Variants in NBAS observed in about 807,000 individuals in gnomAD.
The protein encoded by NBAS is NBAS subunit of NRZ tethering complex.
NBAS carries 219 observed loss-of-function variants against 302.5 expected under a neutral mutation model. The observed-to-expected ratio is 0.72, with a 90% CI of 0.65 to 0.81. The LOEUF (loss-of-function observed/expected upper bound fraction) is 0.81. NBAS is among the 30% of genes least tolerant of loss of function. The pLI is 0.00. For synonymous variants in NBAS, 1,118 were observed against 1,021.6 expected, an observed-to-expected ratio of 1.09 and a Z score of -1.80; for missense variants, 2,932 against 2,841.6, an observed-to-expected ratio of 1.03 and a Z score of -0.72.
the NBAS span, among the ~76,000 whole-genome samples, chr2:14,806,183 A>G: frequency 8.5e-5 from 13 of 152,190 alleles, no homozygotes; most frequent in Non-Finnish European, 1.8e-4. Flanking sequence ...AAGTTCCCAA[A>G]TCAGGTTGAT....
intron 38 of NBAS, among the ~76,000 whole-genome samples, chr2:15,313,134 T>C (rs966914287): frequency 6.6e-6 from 1 of 152,232 alleles, no homozygotes; most frequent in African/African-American, 2.4e-5. Flanking sequence ...AAAGTCTCCA[T>C]AAATATGGGC....
the NBAS span, among the ~76,000 whole-genome samples, chr2:15,154,066 C>A: frequency 6.6e-6 from 1 of 152,178 alleles, no homozygotes; most frequent in African/African-American, 2.4e-5. Context: ...GCATGTAGGG[C>A]ACAGATTATT....
At chr2:15,076,274 G>A in the NBAS span, among the ~76,000 whole-genome samples, 3 of 152,152 alleles carry the variant, frequency 2.0e-5, no homozygotes, top group Non-Finnish European at 4.4e-5. Context: ...TCTGATCATG[G>A]AATATCTAAC....
chr2:15,473,177 A>ATATT, intron 16 of NBAS, 45 bp downstream of exon 16: 1 of 1,599,166 alleles, frequency 6.3e-7, no homozygotes, highest in Non-Finnish European at 8.6e-7. Flanking sequence ...AAAAGATATT[A>ATATT]CATGAATATA....
the NBAS span, among the ~76,000 whole-genome samples, chr2:14,932,884 T>C: frequency 9.2e-5 from 14 of 152,150 alleles, no homozygotes; most frequent in Non-Finnish European, 1.6e-4. Context: ...TTACTTCTGA[T>C]AATGAAAAAA....
At chr2:14,833,637 T>C in the NBAS span, among the ~76,000 whole-genome samples, 1 of 152,122 alleles carries the variant, frequency 6.6e-6, no homozygotes, top group Non-Finnish European at 1.5e-5. Context: ...CCTTATTCCT[T>C]ATATAAGCTA....
chr2:15,379,588 T>C lies in NBAS; in HGVS notation c.3590+14A>G, dbSNP rs1314239609. On this transcript the variant is annotated intron_variant, in intron 30 of 51. Transcript: ENST00000281513. Reference sequence around the variant, plus strand: ...TCCCCCTCCATCTTAGGGAAGAATATAGAGTTATTCTACCTGGCTAGATCC... The same window carrying C: ...TCCCCCTCCATCTTAGGGAAGAATACAGAGTTATTCTACCTGGCTAGATCC... 12 of 1,605,712 alleles carry C rather than the reference T, an allele frequency of 7.5e-6. No homozygotes were observed. The highest frequency in any genetic ancestry group is 6.7e-5 in the African/African-American group (5 of 74,642).
intron 48 of NBAS, among the ~76,000 whole-genome samples, chr2:15,205,036 A>C (rs1666075401): frequency 6.6e-6 from 1 of 152,150 alleles, no homozygotes; most frequent in African/African-American, 2.4e-5. Flanking sequence ...TTAAAAAAAG[A>C]AGTAGCAATA....
the NBAS span, among the ~76,000 whole-genome samples, chr2:14,914,399 C>T: frequency 6.6e-6 from 1 of 152,160 alleles, no homozygotes; most frequent in East Asian, 1.9e-4. Flanking sequence ...CTGTGAGAGG[C>T]AGGTTTCATA....
the NBAS span, among the ~76,000 whole-genome samples, chr2:15,137,262 C>T: frequency 6.6e-6 from 1 of 152,234 alleles, no homozygotes; most frequent in East Asian, 1.9e-4. Flanking sequence ...AGACATCTTA[C>T]ATATGTCAGT....
chr2:14,952,251 T>C, the NBAS span, among the ~76,000 whole-genome samples: 234 of 152,312 alleles, frequency 1.5e-3, no homozygotes, highest in African/African-American at 4.8e-3. Flanking sequence ...CCCAGGTGCT[T>C]ACAGAGTAGA....
At chr2:15,290,229 C>T (rs1670247813) in intron 41 of NBAS, among the ~76,000 whole-genome samples, 1 of 152,094 alleles carries the variant, frequency 6.6e-6, no homozygotes, top group African/African-American at 2.4e-5. Context: ...GGACACAAAT[C>T]CTTCAAGAAT....
chr2:15,113,250 T>C, the NBAS span, among the ~76,000 whole-genome samples: 1 of 151,768 alleles, frequency 6.6e-6, no homozygotes, highest in African/African-American at 2.4e-5. Flanking sequence ...GCATATATAA[T>C]ATAAATATGG....
At chr2:14,994,607 G>A in the NBAS span, among the ~76,000 whole-genome samples, 3 of 152,196 alleles carry the variant, frequency 2.0e-5, no homozygotes, top group African/African-American at 7.2e-5. Context: ...CACAGCCTGG[G>A]AGCAGCTATT....
the NBAS span, among the ~76,000 whole-genome samples, chr2:14,889,262 G>C: frequency 2.0e-5 from 3 of 152,174 alleles, no homozygotes; most frequent in African/African-American, 7.2e-5. Context: ...TCTGCCTGTT[G>C]CTTTGCACAC....
At chr2:15,439,405 A>G (rs77603240) in intron 21 of NBAS, among the ~76,000 whole-genome samples, 2,935 of 152,050 alleles carry the variant, frequency 0.019, 66 homozygotes, top group East Asian at 0.06. Flanking sequence ...TAAAAGGTAA[A>G]CCTCAAGATC....
chr2:15,316,304 C>T (rs1266248542), intron 38 of NBAS, among the ~76,000 whole-genome samples: 4 of 152,284 alleles, frequency 2.6e-5, no homozygotes, highest in East Asian at 3.9e-4. Context: ...GCAGCGTGAT[C>T]GATGCAGAAC....
the NBAS span, among the ~76,000 whole-genome samples, chr2:15,072,635 A>T: frequency 1.3e-5 from 2 of 152,216 alleles, no homozygotes; most frequent in Non-Finnish European, 2.9e-5. Flanking sequence ...TAATCACAGA[A>T]ATATTTAAAC....
chr2:15,293,844 A>G (rs754778381), intron 40 of NBAS, among the ~76,000 whole-genome samples: 5 of 152,222 alleles, frequency 3.3e-5, no homozygotes, highest in Non-Finnish European at 7.3e-5. Context: ...TGCTGATAAA[A>G]AACAGTTAAA....
Sources: allele counts gnomAD v4.1 joint callset (sites outside exome capture counted in the v4.1 genomes callset), GRCh38; gene constraint gnomAD v4.1.1; transcripts MANE v1.5; gene names NCBI Gene and HGNC (gene_info 2026-07-23, HGNC 2026-07-21).